LOXL2: variants seen among roughly 807,000 people sequenced by gnomAD.
The protein encoded by LOXL2 is lysyl oxidase homolog 2.
Under a neutral mutation model 93.0 loss-of-function variants are expected in LOXL2, and 70 were observed. The ratio of observed to expected loss-of-function variants is 0.75; its 90% CI spans 0.62 to 0.92. The LOEUF (loss-of-function observed/expected upper bound fraction) is 0.92. LOXL2 is among the 40% of genes least tolerant of loss of function. The pLI, the probability that LOXL2 is intolerant of heterozygous loss-of-function variation, is 0.00. For synonymous variants in LOXL2, 438 were observed against 413.2 expected, an observed-to-expected ratio of 1.06 and a Z score of -0.73; for missense variants, 973 against 1,054.9, an observed-to-expected ratio of 0.92 and a Z score of 1.08.
chr8:23,367,879 T>C, intron 2 of LOXL2, 118 bp downstream of exon 2: 2 of 799,798 alleles, frequency 2.5e-6, no homozygotes, highest in Admixed American at 2.6e-5. Flanking sequence ...TGGATGGGCA[T>C]CACCAAGAAT....
At chr8:23,316,649 G>A in intron 9 of LOXL2, 1 of 370,816 alleles carries the variant, frequency 2.7e-6, no homozygotes. Flanking sequence ...TGGCATGACG[G>A]AGGCACTCTC....
chr8:23,399,891 T>C (rs140293581), intron 1 of LOXL2, among the ~76,000 whole-genome samples: 52 of 152,346 alleles, frequency 3.4e-4, no homozygotes, highest in African/African-American at 1.3e-3. Flanking sequence ...GGCAGGGTGA[T>C]TTAAGGTTAA....
chr8:23,302,778 A>G (rs1803161993), intron 11 of LOXL2, among the ~76,000 whole-genome samples: 2 of 152,202 alleles, frequency 1.3e-5, no homozygotes. Context: ...CTGCAGGTGC[A>G]CTAACAGGTG....
intron 7 of LOXL2, among the ~76,000 whole-genome samples, chr8:23,320,591 G>A (rs1405703490): frequency 6.6e-6 from 1 of 152,110 alleles, no homozygotes; most frequent in Non-Finnish European, 1.5e-5. Flanking sequence ...GACCGGGTGT[G>A]GCCATGTTCC....
At chr8:23,378,313 C>T (rs4872119) in intron 1 of LOXL2, among the ~76,000 whole-genome samples, 89,150 of 152,006 alleles carry the variant, frequency 0.59, 27,065 homozygotes, top group African/African-American at 0.74. Context: ...AGATCTGCTG[C>T]TAGTCTGATG....
chr8:23,313,129 C>T (rs1585345192), intron 9 of LOXL2, among the ~76,000 whole-genome samples: 2 of 151,992 alleles, frequency 1.3e-5, no homozygotes, highest in South Asian at 2.1e-4. Context: ...AACTACAAAC[C>T]ACTGCTCAAC....
intron 1 of LOXL2, among the ~76,000 whole-genome samples, chr8:23,395,598 A>T (rs193296111): frequency 2.2e-3 from 342 of 152,334 alleles, no homozygotes; most frequent in African/African-American, 7.9e-3. Flanking sequence ...AAAGTCTTTT[A>T]AAAAAGAATC....
intron 6 of LOXL2, 85 bp from the exon 7 acceptor site, chr8:23,322,366 A>T: frequency 1.6e-6 from 2 of 1,222,804 alleles, no homozygotes. Context: ...CAATAAGAAC[A>T]TGCCTCTCCC....
Position 23,395,278 on chromosome 8 carries a change from C to T in LOXL2, c.-84+8676G>A, listed in dbSNP as rs559407919. On this transcript the variant is annotated intron_variant, in intron 1 of 13. Transcript: ENST00000389131. ...AAAACAAAACAAAACAAAGAAACAA[C>T]AACAAAAAAACCATTAAGGGAAGTG... Among the ~76,000 whole-genome samples, 286 of 87,494 alleles carry T rather than the reference C, an allele frequency of 3.3e-3. 1 individual carries two copies. Among genetic ancestry groups the T allele is most frequent in the African/African-American group, 0.013 (275 of 21,572 alleles). The allele number at this position is 87,494 out of a possible 152,430, so 57.4% of individuals were successfully genotyped here.
At chr8:23,360,363 C>G in intron 2 of LOXL2, 98 bp from the exon 3 acceptor site, 1 of 884,532 alleles carries the variant, frequency 1.1e-6, no homozygotes, top group Non-Finnish European at 1.7e-6. Context: ...GAATTTTTCT[C>G]TAATTTTGGC....
intron 8 of LOXL2, 112 bp downstream of exon 8, chr8:23,319,773 C>G (rs1436732753): frequency 8.2e-7 from 1 of 1,221,946 alleles, no homozygotes. Context: ...GCAACTTGCT[C>G]TGTCCTGCCT....
At chr8:23,343,926 G>T (rs1413708518) in intron 3 of LOXL2, among the ~76,000 whole-genome samples, 1 of 152,232 alleles carries the variant, frequency 6.6e-6, no homozygotes, top group Admixed American at 6.5e-5. Context: ...ATGCCCAGAA[G>T]GAAAGTTACT....
intron 1 of LOXL2, among the ~76,000 whole-genome samples, chr8:23,376,906 A>AT (rs1424008782): frequency 2.0e-5 from 3 of 152,010 alleles, no homozygotes; most frequent in Non-Finnish European, 4.4e-5. Flanking sequence ...GGATTCATTG[A>AT]TTTTTTGAAG....
chr8:23,351,569 AATAAAT>A (rs1319648588), intron 3 of LOXL2, among the ~76,000 whole-genome samples: 2 of 152,080 alleles, frequency 1.3e-5, no homozygotes, highest in African/African-American at 4.8e-5. Flanking sequence ...CAATCTAACA[AATAAAT>A]AGAATGTTAT....
chr8:23,318,188 ACCC>A (rs1289281424), intron 8 of LOXL2, among the ~76,000 whole-genome samples: 4 of 107,946 alleles, frequency 3.7e-5, no homozygotes, highest in Admixed American at 8.9e-5. Flanking sequence ...AAAAAAAAAA[ACCC>A]AAAAAACCTG....
intron 1 of LOXL2, among the ~76,000 whole-genome samples, chr8:23,375,074 T>A (rs949110468): frequency 6.6e-6 from 1 of 152,196 alleles, no homozygotes; most frequent in Non-Finnish European, 1.5e-5. Context: ...TTTTTATGGT[T>A]TTAGGTCTAA....
chr8:23,309,910 G>A lies in LOXL2; in HGVS notation c.1638C>T (p.Thr546=), dbSNP rs746018634. ...CCGCATTGAGGACCAGGTCAGGGGCGGCTGCGGAGGATGGCATGCTGGTCA... is the reference window on the plus strand; with the variant it reads ...CCGCATTGAGGACCAGGTCAGGGGCAGCTGCGGAGGATGGCATGCTGGTCA... ...QYGAGVACSE[T]APDLVLNAEM... Residue 546 remains threonine, a splice_region_variant and synonymous_variant, in exon 10 of 14, where the codon ACC becomes ACT. Transcript: ENST00000389131. 36 of 1,475,282 alleles carry A rather than the reference G, an allele frequency of 2.4e-5. No individual in the cohort carries two copies. The highest frequency in any genetic ancestry group is 4.3e-5 in the African/African-American group (3 of 70,046). The allele number at this position is 1,475,282 out of a possible 1,614,324, so 91.4% of individuals were successfully genotyped here.
intron 2 of LOXL2, among the ~76,000 whole-genome samples, chr8:23,362,051 T>G (rs1318334286): frequency 6.6e-6 from 1 of 152,182 alleles, no homozygotes; most frequent in Non-Finnish European, 1.5e-5. Context: ...CTAAGAGATA[T>G]CTACACACCT....
chr8:23,374,123 C>T (rs1269206588), intron 1 of LOXL2, among the ~76,000 whole-genome samples: 2 of 131,084 alleles, frequency 1.5e-5, no homozygotes, highest in African/African-American at 2.8e-5. Flanking sequence ...CAACAGGCCC[C>T]GGTGTGTGAT....
Sources: allele counts gnomAD v4.1 joint callset (sites outside exome capture counted in the v4.1 genomes callset), GRCh38; gene constraint gnomAD v4.1.1; transcripts MANE v1.5; gene names NCBI Gene and HGNC (gene_info 2026-07-23, HGNC 2026-07-21).